MAGEA3: variants seen among roughly 807,000 people sequenced by gnomAD.
MAGEA3 encodes the protein melanoma-associated antigen 3.
For missense variants in MAGEA3, 207 were observed against 239.1 expected (o/e 0.87, Z 0.89); for synonymous variants, 110 against 102.2 (o/e 1.08, Z -0.46).
Position 152,700,614 on chromosome X carries a change from T to C in MAGEA3, c.-131-8T>C, listed in dbSNP as rs1361516760. 2 of 670,139 alleles carry C rather than the reference T, an allele frequency of 3.0e-6. No homozygotes were observed. The highest frequency in any genetic ancestry group is 3.2e-5 in the East Asian group (1 of 31,407). 55.2% of individuals were successfully genotyped at this position (670,139 alleles called of 1,213,427 possible). On this transcript the variant is annotated splice_polypyrimidine_tract_variant and splice_region_variant and intron_variant, in intron 1 of 2. Transcript: ENST00000370278. ...TACCCTGAGGTGCCCTCTCACTTCC[T>C]CCTTCAGGTTCTGAGGGGACAGGCT...
At position 152,701,529 on chromosome X, in the gene MAGEA3, G is replaced by A. The variant is rs149483923; in HGVS notation, c.697G>A (p.Gly233Arg). 8.3e-7 allele frequency: 1 copy of A among 1,210,410 alleles called. No homozygotes were observed. Among genetic ancestry groups the A allele is most frequent in the South Asian group, 1.8e-5 (1 of 56,873 alleles). Residue 233 changes from glycine to arginine, a missense_variant, in exon 3 of 3, where the codon GGG becomes AGG. By Grantham distance (125) the Gly-to-Arg change is moderately radical (BLOSUM62 -2). Coordinates refer to ENST00000370278, the MANE Select transcript of MAGEA3 (RefSeq NM_005362.4). ...EELSVLEVFE[G>R]REDSILGDPK... ...GCTGAGTGTGTTAGAGGTGTTTGAG[G>A]GGAGGGAAGACAGTATCTTGGGGGA...
Position 152,701,283 on chromosome X carries a change from T to C in MAGEA3, c.451T>C (p.Phe151Leu), listed in dbSNP as rs1485362196. Reference protein sequence around the residue: ...GNWQYFFPVIFSKASSSLQLV... With the variant: ...GNWQYFFPVILSKASSSLQLV... ...TTGGCAGTATTTCTTTCCTGTGATC[T>C]TCAGCAAAGCTTCCAGTTCCTTGCA... is the stretch of plus-strand genomic sequence containing the variant. The change falls in exon 3 of 3, where the codon TTC becomes CTC. Residue 151 changes from phenylalanine to leucine, a missense_variant. Phe to Leu is a conservative substitution (Grantham distance 22, BLOSUM62 0). Coordinates refer to ENST00000370278, the MANE Select transcript of MAGEA3 (RefSeq NM_005362.4). The C allele has an allele frequency of 5.0e-6, 6 of 1,207,982 alleles. No individual in the cohort carries two copies. The Admixed American group carries it at 1.3e-4, about 26-fold the overall frequency.
intron 1 of MAGEA3, among the ~76,000 whole-genome samples, chrX:152,700,159 T>C (rs1232505642): frequency 9.4e-6 from 1 of 106,516 alleles, no homozygotes; most frequent in Non-Finnish European, 1.9e-5. Flanking sequence ...ATATCAGGTA[T>C]GTGAGTTCTT....
chrX:152,700,565 G>A (rs1252230303), intron 1 of MAGEA3, 57 bp from the exon 2 acceptor site: 8 of 564,883 alleles, frequency 1.4e-5, no homozygotes, highest in Non-Finnish European at 2.5e-5. Flanking sequence ...CAGTCCTGCA[G>A]CCTCAGCATG....
In MAGEA3 at chrX:152,701,612, G is replaced by T. The variant is rs782797722; in HGVS notation, c.780G>T (p.Gln260His). The T allele has an allele frequency of 1.7e-6, 2 of 1,210,399 alleles. No individual in the cohort carries two copies. Among genetic ancestry groups the T allele is most frequent in the Non-Finnish European group, 2.2e-6 (2 of 894,514 alleles). Residue 260 changes from glutamine to histidine, a missense_variant, in exon 3 of 3, where the codon CAG becomes CAT. Coordinates refer to ENST00000370278, the MANE Select transcript of MAGEA3 (RefSeq NM_005362.4). ...AGGAAAACTACCTGGAGTACCGGCA[G>T]GTCCCCGGCAGTGATCCTGCATGTT... Reference protein sequence around the residue: ...FVQENYLEYRQVPGSDPACYE... With the variant: ...FVQENYLEYRHVPGSDPACYE...
At position 152,701,738 on chromosome X, in the gene MAGEA3, A is replaced by T. The variant is rs1207885621; in HGVS notation, c.906A>T (p.Pro302=). 2 of 1,206,762 alleles carry T rather than the reference A, an allele frequency of 1.7e-6. No homozygotes were observed. The highest frequency in any genetic ancestry group is 2.2e-6 in the Non-Finnish European group (2 of 893,588). The part of the protein sequence containing the change: ...KISGGPHISY[P]PLHEWVLREG... The stretch of plus-strand genomic sequence containing the variant: ...GTGGAGGACCTCACATTTCCTACCC[A>T]CCCCTGCATGAGTGGGTTTTGAGAG... Residue 302 remains proline (P), a synonymous_variant, in exon 3 of 3, where the codon CCA becomes CCT. Transcript: ENST00000370278.
chrX:152,701,198 C>G lies in MAGEA3; in HGVS notation c.366C>G (p.Leu122=), dbSNP rs2124945399. ...KVAELVHFLL[L]KYRAREPVTK... ...CCGAGTTGGTTCATTTTCTGCTCCT[C>G]AAGTATCGAGCCAGGGAGCCGGTCA... Residue 122 remains leucine (L), a synonymous_variant, in exon 3 of 3, where the codon CTC becomes CTG. Transcript: ENST00000370278. The G allele has an allele frequency of 3.3e-6, 4 of 1,209,795 alleles. No individual in the cohort carries two copies. Among genetic ancestry groups the G allele is most frequent in the East Asian group, 3.0e-5 (1 of 33,771 alleles).
At chrX:152,700,168 TTGACA>T (rs1294817413) in intron 1 of MAGEA3, among the ~76,000 whole-genome samples, 2 of 107,392 alleles carry the variant, frequency 1.9e-5, no homozygotes, top group African/African-American at 7.4e-5. Context: ...ATGTGAGTTC[TTGACA>T]TGAGAGATTC....
In MAGEA3 at chrX:152,700,769, C is replaced by T. The variant is rs1317129682; in HGVS notation, c.-64C>T. On this transcript the variant is annotated splice_region_variant and 5_prime_UTR_variant, in exon 3 of 3. Coordinates refer to ENST00000370278, the MANE Select transcript of MAGEA3 (RefSeq NM_005362.4). ...CTCACATGCTCCCTCTCTCCCCAGG[C>T]CAGTGGGTCTCCATTGCCCAGCTCC... 1 of 557,543 alleles carries T rather than the reference C, an allele frequency of 1.8e-6. No homozygotes were observed. The highest frequency in any genetic ancestry group is 3.3e-5 in the East Asian group (1 of 30,407). The allele number at this position is 557,543 out of a possible 1,213,427, so 45.9% of individuals were successfully genotyped here.
rs1216061789 is a variant in MAGEA3, at chrX:152,701,636, T to C, written c.804T>C (p.Cys268=). Residue 268 remains cysteine (C), a synonymous_variant, in exon 3 of 3, where the codon TGT becomes TGC. Coordinates refer to ENST00000370278, the MANE Select transcript of MAGEA3 (RefSeq NM_005362.4). The stretch of plus-strand genomic sequence containing the variant: ...AGGTCCCCGGCAGTGATCCTGCATG[T>C]TATGAATTCCTGTGGGGTCCAAGGG... ...YRQVPGSDPA[C]YEFLWGPRAL... 4.5e-4 allele frequency: 548 copies of C among 1,208,655 alleles called. 5 individuals carry two copies. The highest frequency in any genetic ancestry group is 3.3e-3 in the African/African-American group (188 of 57,237).
chrX:152,701,767 G>A lies in MAGEA3; in HGVS notation c.935G>A (p.Gly312Glu), dbSNP rs2124948246. Residue 312 changes from glycine (G) to glutamate (E), a missense_variant, in exon 3 of 3, where the codon GGG becomes GAG. By Grantham distance (98) the Gly-to-Glu change is moderately conservative. Coordinates refer to ENST00000370278, the MANE Select transcript of MAGEA3 (RefSeq NM_005362.4). Reference sequence around the variant, plus strand: ...CTGCATGAGTGGGTTTTGAGAGAGGGGGAAGAGTGAGTCTGAGCACGAGTT... The same window carrying A: ...CTGCATGAGTGGGTTTTGAGAGAGGAGGAAGAGTGAGTCTGAGCACGAGTT... ...PPLHEWVLRE[G>E]EE 6 of 1,207,816 alleles carry A rather than the reference G, an allele frequency of 5.0e-6. No individual in the cohort carries two copies. The Admixed American group carries it at 8.7e-5, about 18-fold the overall frequency.
In MAGEA3 at chrX:152,701,630, T is replaced by C. The variant is rs1556827006; in HGVS notation, c.798T>C (p.Pro266=). The change falls in exon 3 of 3, where the codon CCT becomes CCC. Residue 266 remains proline, a synonymous_variant. Transcript: ENST00000370278. ...ACCGGCAGGTCCCCGGCAGTGATCC[T>C]GCATGTTATGAATTCCTGTGGGGTC... The part of the protein sequence containing the change: ...LEYRQVPGSD[P]ACYEFLWGPR... 1.7e-6 allele frequency: 2 copies of C among 1,209,012 alleles called. No individual in the cohort carries two copies. Among genetic ancestry groups the C allele is most frequent in the Non-Finnish European group, 2.2e-6 (2 of 894,291 alleles).
chrX:152,701,983 C>T lies in MAGEA3; in HGVS notation c.*206C>T, dbSNP rs1488626975. 12 of 450,146 alleles carry T rather than the reference C, an allele frequency of 2.7e-5. No individual in the cohort carries two copies. The African/African-American group carries it at 2.8e-4, about 10-fold the overall frequency. The allele number at this position is 450,146 out of a possible 1,213,427, so 37.1% of individuals were successfully genotyped here. ...TTCTTTGTTTCCTGTTGGAGTTGTT[C>T]AAATGTTCCTTTTAACGGATGGTTG... On this transcript the variant is annotated 3_prime_UTR_variant, in exon 3 of 3. Transcript: ENST00000370278.
chrX:152,701,936 C>G lies in MAGEA3; in HGVS notation c.*159C>G. 1 of 537,302 alleles carries G rather than the reference C, an allele frequency of 1.9e-6. No homozygotes were observed. Among genetic ancestry groups the G allele is most frequent in the Non-Finnish European group, 3.1e-6 (1 of 324,439 alleles). The allele number at this position is 537,302 out of a possible 1,213,427, so 44.3% of individuals were successfully genotyped here. A position where few individuals can be genotyped will look rare whatever the true frequency, so the allele number is the denominator to read the frequency against. On this transcript the variant is annotated 3_prime_UTR_variant, in exon 3 of 3. Coordinates refer to ENST00000370278, the MANE Select transcript of MAGEA3 (RefSeq NM_005362.4). ...GCATTCTTAGTAGTGGGTTTCTGTT[C>G]TGTTGGATGACTTTGAGATTATTCT...
rs1416788943 is a variant in MAGEA3 at position 152,700,531 on chromosome X, G to A, written c.-131-91G>A. 332 of 481,062 alleles carry A rather than the reference G, an allele frequency of 6.9e-4. 13 individuals are homozygous for A. In the African/African-American group the frequency reaches 7.0e-3, roughly 10 times the overall value. The allele number at this position is 481,062 out of a possible 1,213,427, so 39.6% of individuals were successfully genotyped here. Reference sequence around the variant, plus strand: ...CCCCAGAACACATGGACTCCAGAGCGCCTGGCCTCACCCTCAATACTTTCA... The same window carrying A: ...CCCCAGAACACATGGACTCCAGAGCACCTGGCCTCACCCTCAATACTTTCA... On this transcript the variant is annotated intron_variant, in intron 1 of 2. Coordinates refer to ENST00000370278, the MANE Select transcript of MAGEA3 (RefSeq NM_005362.4).
At position 152,701,208 on chromosome X, in the gene MAGEA3, G is replaced by A; in HGVS notation, c.376G>A (p.Ala126Thr). ...TCATTTTCTGCTCCTCAAGTATCGA[G>A]CCAGGGAGCCGGTCACAAAGGCAGA... ...LVHFLLLKYR[A>T]REPVTKAEML... The change falls in exon 3 of 3, where the codon GCC becomes ACC. Residue 126 changes from alanine to threonine, a missense_variant. Coordinates refer to ENST00000370278, the MANE Select transcript of MAGEA3 (RefSeq NM_005362.4). The A allele has an allele frequency of 8.3e-7, 1 of 1,209,888 alleles. No individual in the cohort carries two copies. The highest frequency in any genetic ancestry group is 1.1e-6 in the Non-Finnish European group (1 of 894,225).
intron 1 of MAGEA3, 117 bp from the exon 2 acceptor site, chrX:152,700,505 G>A (rs2124943140): frequency 2.6e-6 from 1 of 387,775 alleles, no homozygotes; most frequent in East Asian, 4.6e-5. Context: ...GGCCCCACCT[G>A]CCCCAGAACA....
At position 152,700,704 on chromosome X, in the gene MAGEA3, T is replaced by C. The variant is rs1252733806; in HGVS notation, c.-66+17T>C. 3 of 598,915 alleles carry C rather than the reference T, an allele frequency of 5.0e-6. No homozygotes were observed. The highest frequency in any genetic ancestry group is 8.8e-6 in the Non-Finnish European group (3 of 341,608). 49.4% of individuals were successfully genotyped at this position (598,915 alleles called of 1,213,427 possible). ...AGAAGATCTGTAAGTAAGCCTTTGT[T>C]AGAGCCTCCAAGGTTCCATTCAGTA... On this transcript the variant is annotated intron_variant, in intron 2 of 2. Transcript: ENST00000370278.
intron 1 of MAGEA3, among the ~76,000 whole-genome samples, chrX:152,700,305 T>C (rs1295680836): frequency 1.9e-5 from 2 of 105,778 alleles, no homozygotes; most frequent in Admixed American, 9.9e-5. Context: ...CCAACCCTCC[T>C]GACAGTTCTG....
Sources: allele counts gnomAD v4.1 joint callset (sites outside exome capture counted in the v4.1 genomes callset), GRCh38; gene constraint gnomAD v4.1.1; transcripts MANE v1.5; gene names NCBI Gene and HGNC (gene_info 2026-07-23, HGNC 2026-07-21).